The following USP12 variants were observed in gnomAD, a reference collection of about 807,000 sequenced individuals.
USP12 encodes ubiquitin carboxyl-terminal hydrolase 12.
In USP12, 19 loss-of-function variants were observed where a neutral mutation model predicts 45.5. The ratio of observed to expected loss-of-function variants is 0.42; its 90% CI spans 0.29 to 0.61. USP12 has a LOEUF of 0.61. USP12 is among the 20% of genes least tolerant of loss of function. USP12 has a pLI of 0.22. For missense variants in USP12, 242 were observed against 447.7 expected, an observed-to-expected ratio of 0.54 and a Z score of 4.15; for synonymous variants, 149 against 148.8, an observed-to-expected ratio of 1.00 and a Z score of -0.01.
intron 1 of USP12, among the ~76,000 whole-genome samples, chr13:27,156,235 A>T (rs1285977134): frequency 2.9e-5 from 4 of 140,326 alleles, no homozygotes; most frequent in Non-Finnish European, 6.3e-5. Flanking sequence ...AAAAAAAAAA[A>T]TCAAGGAATC....
rs542891327 is a variant in USP12 at position 27,117,760 on chromosome 13, G to A, written c.49-1164C>T. On this transcript the variant is annotated intron_variant, in intron 1 of 8. Transcript: ENST00000282344. ...AGAAAAAACAAAATTCAAGAAACAA[G>A]GACCTCGCACAGACAATCATAGCGT... is the stretch of plus-strand genomic sequence containing the variant. 7.1e-5 allele frequency: 37 copies of A among 518,106 alleles called. 1 individual carries two copies. The highest frequency in any genetic ancestry group is 4.9e-4 in the South Asian group (35 of 71,532). 32.1% of individuals were successfully genotyped at this position (518,106 alleles called of 1,614,324 possible).
At chr13:27,171,016 G>C (rs950947416) in intron 1 of USP12, among the ~76,000 whole-genome samples, 1 of 152,180 alleles carries the variant, frequency 6.6e-6, no homozygotes, top group Non-Finnish European at 1.5e-5. Context: ...ATCTGCACTT[G>C]ACTTCCGTCC....
rs10549775 is a variant in USP12, at chr13:27,116,311, CAAAA to C, written c.129+201_129+204del. ...TGGGCGACAGAGCAAGACGCTGTCT[CAAAA>C]AAAAAAAAAAAAAAAAAAGATGTCA... On this transcript the variant is annotated intron_variant, in intron 2 of 8. Coordinates refer to ENST00000282344, the MANE Select transcript of USP12 (RefSeq NM_182488.4). Among the ~76,000 whole-genome samples the C allele has an allele frequency of 7.8e-3, 707 of 90,902 alleles. 5 individuals are homozygous for C. The highest frequency in any genetic ancestry group is 0.025 in the African/African-American group (646 of 25,508). The allele number at this position is 90,902 out of a possible 152,430, so 59.6% of individuals were successfully genotyped here.
chr13:27,081,408 G>A (rs562636746), intron 6 of USP12, among the ~76,000 whole-genome samples: 1 of 152,288 alleles, frequency 6.6e-6, no homozygotes, highest in East Asian at 1.9e-4. Flanking sequence ...GTTTGATCAT[G>A]AGATTGCAGC....
At chr13:27,069,451 A>G (rs1873138484) in intron 8 of USP12, 67 bp from the exon 9 acceptor site, 3 of 1,189,582 alleles carry the variant, frequency 2.5e-6, no homozygotes, top group African/African-American at 1.5e-5. Context: ...CTTAAATTTA[A>G]AAGACTGACA....
Position 27,075,207 on chromosome 13 carries a change from C to T in USP12, c.916G>A (p.Val306Met). 1 of 1,613,886 alleles carries T rather than the reference C, an allele frequency of 6.2e-7. No homozygotes were observed. Among genetic ancestry groups the T allele is most frequent in the Non-Finnish European group, 8.5e-7 (1 of 1,179,836 alleles). Residue 306 changes from valine to methionine, a missense_variant, in exon 7 of 9, where the codon GTG (valine) becomes ATG (methionine). By Grantham distance (21) the Val-to-Met change is conservative. This residue lies in a region of USP12 where 94 missense variants were observed against 168.3 expected (regional missense o/e 0.56). Transcript: ENST00000282344. Reference protein sequence around the residue: ...PDRMYDLVAVVVHCGSGPNRG... With the variant: ...PDRMYDLVAVMVHCGSGPNRG... ...TGCAATTACCTTCCACAGTGAACCA[C>T]AACAGCAACAAGGTCGTACATTCTG...
intron 1 of USP12, among the ~76,000 whole-genome samples, chr13:27,132,863 A>G (rs1356800247): frequency 6.6e-6 from 1 of 152,218 alleles, no homozygotes; most frequent in East Asian, 1.9e-4. Context: ...GCCTTATCCT[A>G]AAGGTGAAAG....
At position 27,068,786 on chromosome 13, in the gene USP12, T is replaced by G. The variant is rs1347871773; in HGVS notation, c.*497A>C. On this transcript the variant is annotated 3_prime_UTR_variant, in exon 9 of 9. Transcript: ENST00000282344. ...ATTATCTAGCATGTTAGTTTTTACATCAGGAAGGCAACTGCAAGTGTTGGG... is the reference window on the plus strand; with the variant it reads ...ATTATCTAGCATGTTAGTTTTTACAGCAGGAAGGCAACTGCAAGTGTTGGG... 1 of 157,446 alleles carries G rather than the reference T, an allele frequency of 6.4e-6. No individual in the cohort carries two copies. Among genetic ancestry groups the G allele is most frequent in the Non-Finnish European group, 1.4e-5 (1 of 71,800 alleles). The allele number at this position is 157,446 out of a possible 1,614,324, so 9.8% of individuals were successfully genotyped here. A position where few individuals can be genotyped will look rare whatever the true frequency, so the allele number is the denominator to read the frequency against.
intron 1 of USP12, among the ~76,000 whole-genome samples, chr13:27,142,318 C>T (rs907918496): frequency 2.0e-5 from 3 of 151,824 alleles, no homozygotes; most frequent in African/African-American, 7.3e-5. Flanking sequence ...TCGATAAAGA[C>T]GAAAAAAGGC....
intron 1 of USP12, among the ~76,000 whole-genome samples, chr13:27,159,140 C>G (rs1877983802): frequency 6.6e-6 from 1 of 152,132 alleles, no homozygotes; most frequent in Non-Finnish European, 1.5e-5. Flanking sequence ...TTTTCTTAAA[C>G]TTCTAAAATT....
At chr13:27,070,555 TTC>T (rs1379297423) in intron 8 of USP12, among the ~76,000 whole-genome samples, 1 of 151,012 alleles carries the variant, frequency 6.6e-6, no homozygotes, top group East Asian at 1.9e-4. Context: ...CCTTGTTTTA[TTC>T]TTTTTTTTTT....
chr13:27,077,931 A>G (rs1256326432), intron 6 of USP12: 3 of 152,184 alleles, frequency 2.0e-5, no homozygotes, highest in African/African-American at 7.2e-5. Flanking sequence ...GTCTTAGAAC[A>G]TAATGTTTTC....
intron 1 of USP12, among the ~76,000 whole-genome samples, chr13:27,141,984 T>C (rs1461526621): frequency 6.6e-6 from 1 of 151,308 alleles, no homozygotes; most frequent in African/African-American, 2.5e-5. Flanking sequence ...GCGTGGTACA[T>C]GATGGCGTGT....
chr13:27,080,574 TAA>T (rs1873705075), intron 6 of USP12, among the ~76,000 whole-genome samples: 2 of 151,476 alleles, frequency 1.3e-5, no homozygotes, highest in Middle Eastern at 3.4e-3. Context: ...AAAGGGAGAG[TAA>T]AGAGACTTGA....
intron 6 of USP12, among the ~76,000 whole-genome samples, chr13:27,087,682 G>C (rs1285994408): frequency 6.6e-6 from 1 of 152,194 alleles, no homozygotes; most frequent in Non-Finnish European, 1.5e-5. Context: ...TGGAGAAATG[G>C]CTTGTTCCAG....
intron 1 of USP12, among the ~76,000 whole-genome samples, chr13:27,149,435 C>G (rs1309843010): frequency 6.6e-6 from 1 of 152,278 alleles, no homozygotes; most frequent in East Asian, 1.9e-4. Context: ...AAGAAGTAAA[C>G]CTATCTTTAT....
At chr13:27,087,099 CTGTGTGTGTG>C (rs72206222) in intron 6 of USP12, among the ~76,000 whole-genome samples, 3 of 147,068 alleles carry the variant, frequency 2.0e-5, no homozygotes, top group Non-Finnish European at 4.5e-5. Flanking sequence ...GGGGAAGGGG[CTGTGTGTGTG>C]TGTGTGTGTG....
chr13:27,147,036 A>G (rs542300639), intron 1 of USP12, among the ~76,000 whole-genome samples: 1 of 152,352 alleles, frequency 6.6e-6, no homozygotes, highest in Non-Finnish European at 1.5e-5. Flanking sequence ...ATCCTTCTCC[A>G]GCACCTTCAG....
intron 3 of USP12, among the ~76,000 whole-genome samples, chr13:27,102,082 A>C (rs1200830222): frequency 6.6e-6 from 1 of 152,206 alleles, no homozygotes; most frequent in Admixed American, 6.5e-5. Context: ...ATGACAGAAA[A>C]GTAGATCTGC....
Sources: allele counts gnomAD v4.1 joint callset (sites outside exome capture counted in the v4.1 genomes callset), GRCh38; gene constraint gnomAD v4.1.1; regional missense constraint gnomAD v4.1.1; transcripts MANE v1.5; gene names NCBI Gene and HGNC (gene_info 2026-07-23, HGNC 2026-07-21).